XRN2: variants seen among roughly 807,000 people sequenced by gnomAD.
XRN2 encodes 5'-3' exoribonuclease 2, also known as DHM1-like protein.
XRN2 carries 44 observed loss-of-function variants against 138.5 expected under a neutral mutation model. That is an observed-to-expected ratio of 0.32 (90% confidence interval 0.25 to 0.41). XRN2 has a LOEUF of 0.41. XRN2 is among the 10% of genes least tolerant of loss of function. The pLI is 1.00. For synonymous variants in XRN2, 354 were observed against 369.4 expected (o/e 0.96, Z 0.48); for missense variants, 937 against 1,169.3 (o/e 0.80, Z 2.90).
chr20:21,354,722 G>T, intron 20 of XRN2, 67 bp from the exon 21 acceptor site: 1 of 1,439,252 alleles, frequency 6.9e-7, no homozygotes, highest in Non-Finnish European at 9.7e-7. Context: ...TTCATTTCGA[G>T]CAATGATAAG....
chr20:21,347,221 C>G (rs1227205859), intron 17 of XRN2, among the ~76,000 whole-genome samples: 1 of 152,146 alleles, frequency 6.6e-6, no homozygotes, highest in Non-Finnish European at 1.5e-5. Flanking sequence ...AGGACAAACC[C>G]TGGAAAATAC....
chr20:21,346,572 C>G, intron 17 of XRN2, 22 bp downstream of exon 17: 1 of 1,604,140 alleles, frequency 6.2e-7, no homozygotes, highest in Admixed American at 1.7e-5. Context: ...ATATTTTCCT[C>G]TGAATTTGTA....
intron 14 of XRN2, among the ~76,000 whole-genome samples, chr20:21,339,613 T>G (rs572376677): frequency 1.3e-5 from 2 of 152,216 alleles, no homozygotes; most frequent in Non-Finnish European, 2.9e-5. Context: ...ATATCCCTGC[T>G]GATTAAGAGT....
intron 28 of XRN2, 88 bp from the exon 29 acceptor site, chr20:21,386,780 T>C (rs2038940306): frequency 2.0e-6 from 3 of 1,510,976 alleles, no homozygotes; most frequent in East Asian, 2.3e-5. Flanking sequence ...TGGATTGTAC[T>C]AAAATTTGGA....
At chr20:21,318,725 T>C (rs965366193) in intron 1 of XRN2, among the ~76,000 whole-genome samples, 6 of 152,128 alleles carry the variant, frequency 3.9e-5, no homozygotes, top group African/African-American at 1.4e-4. Flanking sequence ...TATTTTGGAC[T>C]GTGTTGTTTA....
At chr20:21,307,091 A>T (rs1490517655) in intron 1 of XRN2, among the ~76,000 whole-genome samples, 1 of 77,162 alleles carries the variant, frequency 1.3e-5, no homozygotes, top group African/African-American at 3.5e-5. Flanking sequence ...ACCCAAGGTC[A>T]CTCAGCTGAT....
At chr20:21,371,321 C>G (rs887541889) in intron 27 of XRN2, among the ~76,000 whole-genome samples, 1 of 152,104 alleles carries the variant, frequency 6.6e-6, no homozygotes, top group African/African-American at 2.4e-5. Flanking sequence ...CTCTCTGTCT[C>G]TGTTCCTCTC....
At chr20:21,326,765 GTTTTGTGCTTA>G (rs1051412462) in intron 3 of XRN2, among the ~76,000 whole-genome samples, 164 bp downstream of exon 3, 8 of 152,122 alleles carry the variant, frequency 5.3e-5, no homozygotes, top group Non-Finnish European at 1.2e-4. Context: ...TTGTGTGTGT[GTTTTGTGCTTA>G]TTTTGTGCTC....
chr20:21,371,340 T>C (rs2038758816), intron 27 of XRN2, among the ~76,000 whole-genome samples: 1 of 152,178 alleles, frequency 6.6e-6, no homozygotes, highest in East Asian at 1.9e-4. Flanking sequence ...TCTCTGGCAG[T>C]GTAGCTTTGC....
chr20:21,311,829 A>G (rs2122164166), intron 1 of XRN2, among the ~76,000 whole-genome samples: 1 of 152,142 alleles, frequency 6.6e-6, no homozygotes, highest in East Asian at 1.9e-4. Flanking sequence ...CTCTACTAAA[A>G]AAGTAACAAA....
At chr20:21,357,664 C>G in intron 23 of XRN2, 72 bp from the exon 24 acceptor site, 2 of 1,239,132 alleles carry the variant, frequency 1.6e-6, no homozygotes, top group African/African-American at 1.5e-5. Context: ...ACAAACATAG[C>G]AACATCTTAT....
chr20:21,321,341 G>C (rs978255250), intron 1 of XRN2, among the ~76,000 whole-genome samples: 2 of 146,282 alleles, frequency 1.4e-5, no homozygotes, highest in Non-Finnish European at 3.0e-5. Context: ...GTGTGTGTGT[G>C]TGTGTGTGTA....
At chr20:21,337,274 A>G (rs1209830493) in intron 13 of XRN2, among the ~76,000 whole-genome samples, 1 of 152,206 alleles carries the variant, frequency 6.6e-6, no homozygotes, top group African/African-American at 2.4e-5. Context: ...GGGAGCCTGG[A>G]TGGTAGCAGT....
At chr20:21,342,078 G>A (rs2038379082) in intron 15 of XRN2, among the ~76,000 whole-genome samples, 1 of 152,110 alleles carries the variant, frequency 6.6e-6, no homozygotes, top group South Asian at 2.1e-4. Flanking sequence ...TCTATATAGA[G>A]GAGGTATGGA....
At chr20:21,368,376 A>G in intron 26 of XRN2, 87 bp from the exon 27 acceptor site, 1 of 1,521,104 alleles carries the variant, frequency 6.6e-7, no homozygotes, top group African/African-American at 1.4e-5. Flanking sequence ...AGACGTGGCT[A>G]TGAGCATTTG....
intron 1 of XRN2, among the ~76,000 whole-genome samples, chr20:21,322,290 C>T (rs1035771686): frequency 2.0e-5 from 3 of 152,178 alleles, no homozygotes; most frequent in East Asian, 3.8e-4. Context: ...TGAAAAAATA[C>T]TAATCACCCA....
intron 26 of XRN2, among the ~76,000 whole-genome samples, chr20:21,367,155 T>TTGTATTTCCTCTCCTA (rs2038714126): frequency 6.6e-6 from 1 of 152,186 alleles, no homozygotes; most frequent in African/African-American, 2.4e-5. Flanking sequence ...TATTAGTAAT[T>TTGTATTTCCTCTCCTA]TGTATTTCCT....
At chr20:21,316,655 T>G (rs893868608) in intron 1 of XRN2, among the ~76,000 whole-genome samples, 2 of 152,222 alleles carry the variant, frequency 1.3e-5, no homozygotes, top group Non-Finnish European at 2.9e-5. Context: ...TGTTTATCCT[T>G]GTCCCAGTAC....
intron 1 of XRN2, among the ~76,000 whole-genome samples, chr20:21,310,806 G>A (rs1183615396): frequency 1.3e-5 from 2 of 151,388 alleles, no homozygotes; most frequent in South Asian, 2.1e-4. Context: ...GTGTAGTGGC[G>A]CGATCTCGGC....
Sources: allele counts gnomAD v4.1 joint callset (sites outside exome capture counted in the v4.1 genomes callset), GRCh38; gene constraint gnomAD v4.1.1; transcripts MANE v1.5; gene names NCBI Gene and HGNC (gene_info 2026-07-23, HGNC 2026-07-21).